SNRPN: variants seen among roughly 807,000 people sequenced by gnomAD.
SNRPN encodes the protein small nuclear ribonucleoprotein polypeptide N, also known as small nuclear ribonucleoprotein-associated protein N.
A neutral mutation model predicts 25.2 loss-of-function variants in SNRPN; 7 were observed. The observed-to-expected ratio is 0.28, with a 90% CI of 0.16 to 0.52. SNRPN has a LOEUF of 0.52. Ranked by LOEUF, SNRPN falls within the 20% of genes least tolerant of loss-of-function variation. SNRPN has a pLI of 0.96. For synonymous variants in SNRPN, 124 were observed against 110.6 expected (o/e 1.12, Z -0.76); for missense variants, 196 against 322.5 (o/e 0.61, Z 3.00).
upstream of SNRPN, among the ~76,000 whole-genome samples, chr15:24,952,779 T>G (rs1475336260): frequency 6.6e-6 from 1 of 152,080 alleles, no homozygotes; most frequent in Non-Finnish European, 1.5e-5. Flanking sequence ...TCATAATCAC[T>G]GCAAAAAGTA....
chr15:24,947,764 T>C (rs934833323), intron 3 of SNRPN, among the ~76,000 whole-genome samples: 3 of 152,228 alleles, frequency 2.0e-5, no homozygotes, highest in African/African-American at 7.2e-5. Context: ...CTTATTTCCA[T>C]GTCTGGGTTG....
At chr15:24,842,905 T>C (rs772481290) in intron 2 of SNRPN, among the ~76,000 whole-genome samples, 56 of 152,222 alleles carry the variant, frequency 3.7e-4, no homozygotes, top group Non-Finnish European at 7.3e-4. Context: ...ATTATTGATA[T>C]CTATCTCCAT....
Position 24,872,898 on chromosome 15 carries a change from A to G in SNRPN, c.-578-13618A>G, listed in dbSNP as rs1403133891. On this transcript the variant is annotated intron_variant, in intron 1 of 11. Coordinates refer to the SNRPN transcript ENST00000400097. The stretch of plus-strand genomic sequence containing the variant: ...AAAAAAAAAAAAAAAAAAAAAAAAT[A>G]GTTTTCCTCATTGAATTGCCTTGGC... 2.0e-5 allele frequency among the ~76,000 whole-genome samples: 2 copies of G among 100,978 alleles called. 1 individual carries two copies. The highest frequency in any genetic ancestry group is 4.0e-5 in the Non-Finnish European group (2 of 49,658). The allele number at this position is 100,978 out of a possible 152,430, so 66.2% of individuals were successfully genotyped here.
intron 2 of SNRPN, among the ~76,000 whole-genome samples, chr15:24,888,052 G>T (rs538467486): frequency 6.6e-6 from 1 of 151,470 alleles, no homozygotes; most frequent in Non-Finnish European, 1.5e-5. Context: ...GGCTAAAAAG[G>T]TAAATTTTAG....
At chr15:24,864,339 CTTTT>C (rs58622804) in intron 1 of SNRPN, among the ~76,000 whole-genome samples, 57,329 of 118,080 alleles carry the variant, frequency 0.49, 12,523 homozygotes, top group Middle Eastern at 0.66. Flanking sequence ...CTCTTCTTTT[CTTTT>C]TTTTTTTTTT....
chr15:24,977,161 G>A, intron 7 of SNRPN, 132 bp downstream of exon 7: 1 of 610,870 alleles, frequency 1.6e-6, no homozygotes, highest in African/African-American at 1.9e-5. Flanking sequence ...CCAAAACACA[G>A]ATATATGGGA....
At chr15:24,877,661 A>AACACACACACACACACACACAC (rs72120147) in intron 1 of SNRPN, among the ~76,000 whole-genome samples, 16 of 144,762 alleles carry the variant, frequency 1.1e-4, no homozygotes, top group African/African-American at 4.1e-4. Flanking sequence ...ATCTCTACAA[A>AACACACACACACACACACACAC]ACACACACAC....
chr15:24,827,532 A>G lies in SNRPN; in HGVS notation c.-686-2266A>G, dbSNP rs535629950. ...CTCTGTCTCAAAAAAAAAAAAAAAA[A>G]AAAGAAACACTGTATGCTTACGCTA... is the stretch of plus-strand genomic sequence containing the variant. On this transcript the variant is annotated intron_variant, in intron 1 of 12. Transcript: ENST00000400100. Among the ~76,000 whole-genome samples the G allele has an allele frequency of 7.1e-4, 106 of 149,836 alleles. 2 individuals are homozygous for G. The highest frequency in any genetic ancestry group is 1.8e-3 in the African/African-American group (74 of 40,660).
At position 24,923,838 on chromosome 15, in the gene SNRPN, TC is replaced by T. The variant is rs200526427; in HGVS notation, c.-391+3715del. Among the ~76,000 whole-genome samples the T allele has an allele frequency of 5.9e-5, 9 of 151,430 alleles. No homozygotes were observed. In the East Asian group the frequency reaches 1.6e-3, roughly 26 times the overall value. Reference sequence around the variant, plus strand: ...CTTGGGTCTTCTCAGTTGCTGGAGTTCACTGTGATAAATTTAGGATTTGTTT... The same window carrying T: ...CTTGGGTCTTCTCAGTTGCTGGAGTTACTGTGATAAATTTAGGATTTGTTT... On this transcript the variant is annotated intron_variant, in intron 3 of 11. Transcript: ENST00000400097.
At chr15:24,954,918 G>C (rs2153270273), upstream of SNRPN, 1 of 1,364,130 alleles carries the variant, frequency 7.3e-7, no homozygotes, top group East Asian at 2.4e-5. Context: ...CGCGGCCGCA[G>C]AGGCAGGCTG....
intron 2 of SNRPN, among the ~76,000 whole-genome samples, chr15:24,910,531 G>A (rs563285539): frequency 1.3e-5 from 2 of 152,088 alleles, no homozygotes; most frequent in East Asian, 1.9e-4. Flanking sequence ...TTGCTCTGTC[G>A]CCCAGGCAGG....
At chr15:24,974,769 G>A in intron 4 of SNRPN, 1 of 616,802 alleles carries the variant, frequency 1.6e-6, no homozygotes, top group Non-Finnish European at 2.9e-6. Flanking sequence ...GTGTTGGCCA[G>A]GCTGGTCTCA....
chr15:24,851,499 G>T, intron 2 of SNRPN: 1 of 153,322 alleles, frequency 6.5e-6, no homozygotes. Context: ...GCCAGGGCAT[G>T]AGAAGGGGAC....
At chr15:24,916,760 C>A (rs534659936) in intron 2 of SNRPN, among the ~76,000 whole-genome samples, 1 of 152,072 alleles carries the variant, frequency 6.6e-6, no homozygotes, top group Non-Finnish European at 1.5e-5. Context: ...TGGTTCCTTC[C>A]GGTGGGTTTG....
intron 3 of SNRPN, among the ~76,000 whole-genome samples, chr15:24,930,690 A>G (rs2060780365): frequency 6.6e-6 from 1 of 151,680 alleles, no homozygotes; most frequent in Admixed American, 6.6e-5. Context: ...TCCCGAGGTC[A>G]GGAGTTCAAG....
intron 1 of SNRPN, among the ~76,000 whole-genome samples, chr15:24,866,276 T>A (rs2054561206): frequency 6.6e-6 from 1 of 152,184 alleles, no homozygotes; most frequent in Admixed American, 6.6e-5. Context: ...ATGTATGTAC[T>A]ATGTATAACA....
At chr15:24,886,424 G>A (rs1445275106) in intron 1 of SNRPN, 4 of 152,276 alleles carry the variant, frequency 2.6e-5, no homozygotes, top group East Asian at 3.9e-4. Flanking sequence ...GCCCCATTAC[G>A]GCGGTCCCTA....
intron 1 of SNRPN, among the ~76,000 whole-genome samples, chr15:24,873,203 C>T (rs1210853570): frequency 8.2e-6 from 1 of 121,434 alleles, no homozygotes; most frequent in African/African-American, 2.8e-5. Context: ...CATAGCACAA[C>T]GACATCACTC....
intron 1 of SNRPN, among the ~76,000 whole-genome samples, chr15:24,864,141 C>T (rs1183493739): frequency 6.7e-6 from 1 of 148,486 alleles, no homozygotes; most frequent in African/African-American, 2.5e-5. Context: ...ATTCTCCTGC[C>T]TCAGCCTCCC....
Sources: allele counts gnomAD v4.1 joint callset (sites outside exome capture counted in the v4.1 genomes callset), GRCh38; gene constraint gnomAD v4.1.1; transcripts MANE v1.5; gene names NCBI Gene and HGNC (gene_info 2026-07-23, HGNC 2026-07-21).